The following TP63 variants were observed in gnomAD, a reference collection of about 807,000 sequenced individuals.
TP63 encodes the protein tumor protein 63.
In TP63, 17 loss-of-function variants were observed where a neutral mutation model predicts 82.8. The observed-to-expected ratio is 0.21, with a 90% CI of 0.14 to 0.31. The LOEUF (loss-of-function observed/expected upper bound fraction) is 0.31. TP63 is among the 10% of genes least tolerant of loss of function. TP63 has a pLI of 1.00. For missense variants in TP63, 648 were observed against 895.3 expected, an observed-to-expected ratio of 0.72 and a Z score of 3.52; for synonymous variants, 330 against 321.7, an observed-to-expected ratio of 1.03 and a Z score of -0.28.
At chr3:189,756,315 C>T (rs1294800731) in intron 3 of TP63, among the ~76,000 whole-genome samples, 1 of 152,078 alleles carries the variant, frequency 6.6e-6, no homozygotes, top group African/African-American at 2.4e-5. Context: ...TTGTAGCTAC[C>T]TATGTGGCTT....
At chr3:189,606,306 A>G in the TP63 span, among the ~76,000 whole-genome samples, 2 of 152,144 alleles carry the variant, frequency 1.3e-5, no homozygotes. Context: ...CTCAGGAAAA[A>G]AAAATCCACA....
At chr3:189,713,164 A>G (rs1718718243) in intron 1 of TP63, among the ~76,000 whole-genome samples, 1 of 152,166 alleles carries the variant, frequency 6.6e-6, no homozygotes, top group Admixed American at 6.5e-5. Flanking sequence ...CTTCATCTCC[A>G]TTTGTACCCC....
intron 1 of TP63, among the ~76,000 whole-genome samples, chr3:189,651,849 A>C (rs1712920866): frequency 6.8e-6 from 1 of 147,180 alleles, no homozygotes; most frequent in African/African-American, 2.5e-5. Context: ...TAAAAGGGGA[A>C]AAGGTACAGC....
At chr3:189,635,418 C>T (rs11927406) in intron 1 of TP63, among the ~76,000 whole-genome samples, 7,419 of 152,214 alleles carry the variant, frequency 0.049, 190 homozygotes, top group Middle Eastern at 0.058. Flanking sequence ...TGCTCCTCCA[C>T]ATCTGCTCTT....
intron 1 of TP63, among the ~76,000 whole-genome samples, chr3:189,720,624 C>T (rs989518308): frequency 1.3e-5 from 2 of 151,452 alleles, no homozygotes; most frequent in Non-Finnish European, 2.9e-5. Context: ...ATCCCAGCTA[C>T]TCAGGAGGCT....
chr3:189,758,701 G>A (rs893542616), intron 3 of TP63, among the ~76,000 whole-genome samples: 1 of 152,182 alleles, frequency 6.6e-6, no homozygotes, highest in African/African-American at 2.4e-5. Context: ...TTATTCTGCG[G>A]AGGCAAGAGT....
At chr3:189,713,838 TA>T (rs1718770900) in intron 1 of TP63, among the ~76,000 whole-genome samples, 1 of 152,026 alleles carries the variant, frequency 6.6e-6, no homozygotes, top group Non-Finnish European at 1.5e-5. Flanking sequence ...AATAAGTCCA[TA>T]ATAATATAAT....
intron 1 of TP63, among the ~76,000 whole-genome samples, chr3:189,715,227 G>T (rs1718875609): frequency 6.6e-6 from 1 of 152,126 alleles, no homozygotes; most frequent in African/African-American, 2.4e-5. Flanking sequence ...AAGGATTCTA[G>T]ACCTCTTAGT....
At chr3:189,807,674 TCCCTAACCC>T (rs1196042015) in intron 3 of TP63, among the ~76,000 whole-genome samples, 2 of 152,190 alleles carry the variant, frequency 1.3e-5, no homozygotes, top group African/African-American at 4.8e-5. Flanking sequence ...TAGTTGGGTG[TCCCTAACCC>T]CGCTACCCAT....
At chr3:189,731,739 A>T (rs1720189280) in intron 1 of TP63, among the ~76,000 whole-genome samples, 2 of 152,194 alleles carry the variant, frequency 1.3e-5, no homozygotes, top group Non-Finnish European at 2.9e-5. Flanking sequence ...AACAACTTGA[A>T]AAGAAAAAAA....
At chr3:189,883,185 T>A (rs1720106256) in intron 10 of TP63, among the ~76,000 whole-genome samples, 1 of 147,784 alleles carries the variant, frequency 6.8e-6, no homozygotes, top group Non-Finnish European at 1.5e-5. Flanking sequence ...AATTTGTAAT[T>A]TTTTTTAAAA....
intron 1 of TP63, among the ~76,000 whole-genome samples, chr3:189,664,033 A>G (rs1714162059): frequency 6.6e-6 from 1 of 152,178 alleles, no homozygotes; most frequent in Non-Finnish European, 1.5e-5. Flanking sequence ...ATCTAAAAAC[A>G]TGGAGACTGG....
intron 3 of TP63, among the ~76,000 whole-genome samples, chr3:189,783,079 T>C (rs750712386): frequency 4.6e-5 from 7 of 151,982 alleles, no homozygotes; most frequent in Admixed American, 1.3e-4. Flanking sequence ...TGTATGATTA[T>C]AGCGGTAAAG....
At chr3:189,746,513 G>A (rs576495686) in intron 3 of TP63, among the ~76,000 whole-genome samples, 13 of 151,324 alleles carry the variant, frequency 8.6e-5, no homozygotes, top group Non-Finnish European at 1.8e-4. Flanking sequence ...ACAAAGAAAA[G>A]TCTCAAATGT....
At chr3:189,607,492 T>C in the TP63 span, among the ~76,000 whole-genome samples, 1 of 152,050 alleles carries the variant, frequency 6.6e-6, no homozygotes, top group Non-Finnish European at 1.5e-5. Context: ...TTACAAATAA[T>C]TTTTCCTAGT....
chr3:189,628,778 C>T (rs9835951), upstream of TP63, among the ~76,000 whole-genome samples: 49,762 of 151,874 alleles, frequency 0.33, 8,649 homozygotes, highest in Non-Finnish European at 0.38. Flanking sequence ...ATATAAGAAG[C>T]AATTATGGTA....
At chr3:189,734,183 T>C (rs2108789483) in intron 1 of TP63, among the ~76,000 whole-genome samples, 1 of 143,994 alleles carries the variant, frequency 6.9e-6, no homozygotes, top group Non-Finnish European at 1.5e-5. Context: ...TTTTTTTTTT[T>C]TTTTTGAGAC....
intron 10 of TP63, chr3:189,879,926 A>G: frequency 8.1e-7 from 1 of 1,229,850 alleles, no homozygotes; most frequent in Non-Finnish European, 1.1e-6. Flanking sequence ...TTGGAAGAAC[A>G]AAAATAGCTT....
intron 1 of TP63, among the ~76,000 whole-genome samples, chr3:189,633,932 C>T (rs1323034178): frequency 6.6e-6 from 1 of 152,078 alleles, no homozygotes; most frequent in Non-Finnish European, 1.5e-5. Context: ...ATATTTTCCT[C>T]AAGTATTTTA....
Sources: allele counts gnomAD v4.1 joint callset (sites outside exome capture counted in the v4.1 genomes callset), GRCh38; gene constraint gnomAD v4.1.1; transcripts MANE v1.5; gene names NCBI Gene and HGNC (gene_info 2026-07-23, HGNC 2026-07-21).